The following RBFOX1 variants were observed in gnomAD, a reference collection of about 807,000 sequenced individuals.
RBFOX1 encodes the protein RNA binding protein fox-1 homolog 1.
Under a neutral mutation model 57.7 loss-of-function variants are expected in RBFOX1, and 8 were observed. That is an observed-to-expected ratio of 0.14 (90% CI 0.08 to 0.25). The LOEUF is 0.25. Ranked by LOEUF, RBFOX1 falls within the 10% of genes least tolerant of loss-of-function variation. The pLI, the probability that RBFOX1 is intolerant of heterozygous loss-of-function variation, is 1.00. For missense variants in RBFOX1, 611 were observed against 548.5 expected (o/e 1.11, Z -1.14); for synonymous variants, 326 against 222.4 (o/e 1.47, Z -4.15).
intron 2 of RBFOX1, among the ~76,000 whole-genome samples, chr16:6,338,997 G>A (rs1019016619): frequency 6.6e-6 from 1 of 152,186 alleles, no homozygotes; most frequent in African/African-American, 2.4e-5. Flanking sequence ...TAATTCCCAG[G>A]ATCCAGTAGC....
At chr16:6,462,339 A>G (rs1206068372) in intron 2 of RBFOX1, among the ~76,000 whole-genome samples, 1 of 152,162 alleles carries the variant, frequency 6.6e-6, no homozygotes, top group Non-Finnish European at 1.5e-5. Context: ...TGCTTTTTAA[A>G]GGGTGGCCTC....
At chr16:6,546,624 C>T (rs1165243922) in intron 2 of RBFOX1, among the ~76,000 whole-genome samples, 2 of 152,164 alleles carry the variant, frequency 1.3e-5, no homozygotes, top group Non-Finnish European at 2.9e-5. Flanking sequence ...CACATTTCTC[C>T]TTCTTATAAG....
intron 2 of RBFOX1, among the ~76,000 whole-genome samples, chr16:5,481,576 A>T (rs1158378598): frequency 1.3e-5 from 2 of 152,208 alleles, no homozygotes; most frequent in Non-Finnish European, 2.9e-5. Flanking sequence ...TGATGCATAG[A>T]TGCTTGATCA....
chr16:6,844,085 C>G (rs548876841), intron 3 of RBFOX1, among the ~76,000 whole-genome samples: 1 of 152,026 alleles, frequency 6.6e-6, no homozygotes, highest in African/African-American at 2.4e-5. Flanking sequence ...CCCCAAATCC[C>G]TCTCTGTCTC....
At chr16:6,091,694 G>A (rs7193820) in intron 1 of RBFOX1, among the ~76,000 whole-genome samples, 10,599 of 152,182 alleles carry the variant, frequency 0.07, 963 homozygotes, top group African/African-American at 0.21. Context: ...GCCAGGTGTG[G>A]TGTCAGGAGC....
At chr16:7,386,533 T>A (rs180736382) in intron 4 of RBFOX1, among the ~76,000 whole-genome samples, 43 of 152,164 alleles carry the variant, frequency 2.8e-4, no homozygotes, top group Non-Finnish European at 5.6e-4. Flanking sequence ...CCTTCATCCA[T>A]GTCCCTGCAA....
chr16:6,300,077 A>T (rs2078633123), intron 1 of RBFOX1, among the ~76,000 whole-genome samples: 1 of 152,190 alleles, frequency 6.6e-6, no homozygotes, highest in Non-Finnish European at 1.5e-5. Flanking sequence ...TGTTAAGTAA[A>T]ATAAGCCAGG....
chr16:7,403,563 C>CT (rs1491389086), intron 4 of RBFOX1, among the ~76,000 whole-genome samples: 1 of 8,330 alleles, frequency 1.2e-4, no homozygotes, highest in Non-Finnish European at 4.1e-4. Context: ...ATGAGAGAAT[C>CT]CCCCCCCCCC....
intron 5 of RBFOX1, among the ~76,000 whole-genome samples, chr16:7,568,429 A>G (rs183090601): frequency 1.2e-4 from 18 of 152,204 alleles, no homozygotes; most frequent in African/African-American, 3.9e-4. Flanking sequence ...TAGCAGGCTA[A>G]TGCATTGTGA....
intron 1 of RBFOX1, among the ~76,000 whole-genome samples, chr16:6,266,973 G>C (rs1314069684): frequency 6.6e-6 from 1 of 152,146 alleles, no homozygotes; most frequent in Non-Finnish European, 1.5e-5. Flanking sequence ...GTGACTGAAA[G>C]CAAATGGAGC....
At chr16:6,988,148 A>G (rs1051937121) in intron 3 of RBFOX1, among the ~76,000 whole-genome samples, 8 of 152,228 alleles carry the variant, frequency 5.3e-5, no homozygotes, top group African/African-American at 1.7e-4. Context: ...AAGAAAACGC[A>G]TTTCAAAGAG....
chr16:7,162,495 T>G (rs2078539636), intron 4 of RBFOX1, among the ~76,000 whole-genome samples: 1 of 150,740 alleles, frequency 6.6e-6, no homozygotes, highest in East Asian at 2.0e-4. Context: ...TTTGAGAGGT[T>G]GAGGGGGATA....
At chr16:5,777,924 A>T (rs1317732964) in intron 3 of RBFOX1, among the ~76,000 whole-genome samples, 2 of 152,136 alleles carry the variant, frequency 1.3e-5, no homozygotes, top group East Asian at 3.8e-4. Flanking sequence ...GCTTGCTTTT[A>T]TTTCATTTAT....
chr16:7,608,626 G>T (rs1322593656), intron 10 of RBFOX1, among the ~76,000 whole-genome samples: 2 of 152,132 alleles, frequency 1.3e-5, no homozygotes, highest in Admixed American at 1.3e-4. Flanking sequence ...CACAGCTCGG[G>T]TTCAAATTCT....
intron 4 of RBFOX1, among the ~76,000 whole-genome samples, chr16:5,991,386 C>T (rs1003406408): frequency 5.3e-5 from 8 of 152,128 alleles, no homozygotes; most frequent in Admixed American, 3.3e-4. Flanking sequence ...GAGTAGAGCG[C>T]CGTGGGCTGT....
At chr16:6,414,714 A>T (rs776109770) in intron 2 of RBFOX1, among the ~76,000 whole-genome samples, 1 of 152,188 alleles carries the variant, frequency 6.6e-6, no homozygotes, top group Non-Finnish European at 1.5e-5. Context: ...TACATATAAT[A>T]CAGTCTCTCT....
At chr16:6,403,141 C>T (rs2093142901) in intron 2 of RBFOX1, among the ~76,000 whole-genome samples, 1 of 152,122 alleles carries the variant, frequency 6.6e-6, no homozygotes, top group South Asian at 2.1e-4. Flanking sequence ...GGTGCTGAAC[C>T]AGCAGCATGA....
chr16:5,403,008 A>G (rs915007502), intron 1 of RBFOX1, among the ~76,000 whole-genome samples: 5 of 152,314 alleles, frequency 3.3e-5, no homozygotes, highest in Admixed American at 6.5e-5. Flanking sequence ...ATGTGCATGC[A>G]TGCATGCACA....
At chr16:7,270,819 T>G (rs2095301496) in intron 4 of RBFOX1, among the ~76,000 whole-genome samples, 1 of 152,188 alleles carries the variant, frequency 6.6e-6, no homozygotes, top group African/African-American at 2.4e-5. Context: ...TTCCCCGCTT[T>G]CTCCCTTTCT....
Sources: gnomAD v4.1 joint callset for allele counts (sites outside exome capture counted in the v4.1 genomes callset) on GRCh38, gnomAD v4.1.1 for gene constraint, MANE v1.5 for transcripts, NCBI Gene and HGNC (gene_info 2026-07-23, HGNC 2026-07-21) for gene names.